Variants in STON1 observed in about 807,000 individuals in gnomAD.
STON1 encodes stonin 1.
In STON1, 79 loss-of-function variants were observed where a neutral mutation model predicts 60.9. The ratio of observed to expected loss-of-function variants is 1.30; its 90% CI spans 1.08 to 1.56. The LOEUF is 1.56. STON1 is among the 40% of genes most tolerant of loss of function. The probability of loss-of-function intolerance (pLI) is 0.00; values close to 1 mark genes in which losing one functional copy is unlikely to be tolerated. For synonymous variants in STON1, 363 were observed against 306.9 expected (o/e 1.18, Z -1.91); for missense variants, 1,166 against 858.9 (o/e 1.36, Z -4.47).
chr2:48,552,015 G>A (rs1161627037), intron 1 of STON1, among the ~76,000 whole-genome samples: 1 of 152,252 alleles, frequency 6.6e-6, no homozygotes, highest in Non-Finnish European at 1.5e-5. Flanking sequence ...TCTGCCGTGG[G>A]AACCCAGCTC....
chr2:48,532,374 A>C lies in STON1; in HGVS notation c.-48+2158A>C, dbSNP rs535431642. ...AATAAATAAATAAATAAATAAATAA[A>C]TAAATAAATAAATAATTGATAGGCA... On this transcript the variant is annotated intron_variant, in intron 1 of 3. Transcript: ENST00000404752. Among the ~76,000 whole-genome samples the C allele has an allele frequency of 2.7e-5, 4 of 150,742 alleles. No individual in the cohort carries two copies. In the East Asian group the frequency reaches 7.7e-4, roughly 29 times the overall value.
At position 48,585,500 on chromosome 2, in the gene STON1, C is replaced by T. The variant is rs965387396; in HGVS notation, c.1930+2937C>T. Among the ~76,000 whole-genome samples, 7 of 152,110 alleles carry T rather than the reference C, an allele frequency of 4.6e-5. No homozygotes were observed. In the South Asian group the frequency reaches 6.2e-4, roughly 14 times the overall value. ...CCAACCTCAGGTGATCCACCCGCCT[C>T]GGCCTCCCAAAGTGCTGGGATTAGA... On this transcript the variant is annotated intron_variant, in intron 2 of 3. Transcript: ENST00000404752.
chr2:48,555,319 G>A (rs1221482417), intron 1 of STON1, among the ~76,000 whole-genome samples: 3 of 56,026 alleles, frequency 5.4e-5, no homozygotes, highest in African/African-American at 1.9e-4. Context: ...GGGCGGGGGG[G>A]GCTGACCCCC....
chr2:48,572,119 T>C (rs1021717563), intron 1 of STON1, among the ~76,000 whole-genome samples: 22 of 152,028 alleles, frequency 1.4e-4, no homozygotes, highest in Admixed American at 5.2e-4. Context: ...GCCAAGATCA[T>C]GCCACTACAC....
At chr2:48,564,330 C>T (rs1558603569) in intron 1 of STON1, among the ~76,000 whole-genome samples, 2 of 152,040 alleles carry the variant, frequency 1.3e-5, no homozygotes, top group African/African-American at 2.4e-5. Context: ...GTGAGGGTTG[C>T]AGATGGCTGA....
At chr2:48,537,899 ATTG>A (rs1671496206) in intron 1 of STON1, among the ~76,000 whole-genome samples, 1 of 151,398 alleles carries the variant, frequency 6.6e-6, no homozygotes, top group African/African-American at 2.4e-5. Context: ...TTGTTCTTAT[ATTG>A]TTTGGTATCA....
At chr2:48,583,322 C>T (rs1435376390) in intron 2 of STON1, among the ~76,000 whole-genome samples, 1 of 152,164 alleles carries the variant, frequency 6.6e-6, no homozygotes. Context: ...TTCCTGGGCT[C>T]AAGGGATCCT....
rs2103723163 is a variant in STON1, at chr2:48,532,477, T to C, written c.-48+2261T>C. Among the ~76,000 whole-genome samples, 5 of 150,884 alleles carry C rather than the reference T, an allele frequency of 3.3e-5. No homozygotes were observed. The Middle Eastern group carries it at 0.014, about 422-fold the overall frequency. On this transcript the variant is annotated intron_variant, in intron 1 of 3. Transcript: ENST00000404752. ...ACAACAAAAGTAAGTCCATAAATTC[T>C]GAGCTTGTTTGGCCCTGTTGCTTAG... is the stretch of plus-strand genomic sequence containing the variant.
At chr2:48,549,253 A>G (rs1671991690) in intron 1 of STON1, among the ~76,000 whole-genome samples, 1 of 152,198 alleles carries the variant, frequency 6.6e-6, no homozygotes. Context: ...CTATTTTTCA[A>G]AGAAACTTTC....
rs1247481335 is a variant in STON1 at position 48,595,914 on chromosome 2, T to C, written c.*612T>C. On this transcript the variant is annotated 3_prime_UTR_variant, in exon 4 of 4. Transcript: ENST00000404752. ...TACCTGTCTCTCTCCTACTGTATTGTCATTTTCAAAATGTGTTTGTTTTCT... is the reference window on the plus strand; with the variant it reads ...TACCTGTCTCTCTCCTACTGTATTGCCATTTTCAAAATGTGTTTGTTTTCT... 6.6e-6 allele frequency: 1 copy of C among 152,260 alleles called. No homozygotes were observed. Among genetic ancestry groups the C allele is most frequent in the Non-Finnish European group, 1.5e-5 (1 of 68,080 alleles). 9.4% of individuals were successfully genotyped at this position (152,260 alleles called of 1,614,324 possible). A position where few individuals can be genotyped will look rare whatever the true frequency, so the allele number is the denominator to read the frequency against.
chr2:48,590,427 C>T (rs1180235072), intron 2 of STON1, among the ~76,000 whole-genome samples: 1 of 152,104 alleles, frequency 6.6e-6, no homozygotes, highest in East Asian at 1.9e-4. Flanking sequence ...GTGCCTAAAG[C>T]TATATTCTGA....
At chr2:48,572,425 G>A (rs942758301) in intron 1 of STON1, among the ~76,000 whole-genome samples, 3 of 152,186 alleles carry the variant, frequency 2.0e-5, no homozygotes, top group Admixed American at 6.5e-5. Flanking sequence ...TGGACAGTGA[G>A]GGGGTAGGAG....
rs772956611 is a variant in STON1, at chr2:48,581,797, C to T, written c.1164C>T (p.Asp388=). The change falls in exon 2 of 4, where the codon GAC becomes GAT. Residue 388 remains aspartate, a synonymous_variant. Coordinates refer to ENST00000404752, the MANE Select transcript of STON1 (RefSeq NM_006873.4). ...CCACATCGTACCATGACTTCCTTGA[C>T]TTTCTGACTACTGTGGAGGAGGAGC... ...LGSTSYHDFL[D]FLTTVEEELM... The T allele has an allele frequency of 2.5e-6, 4 of 1,614,078 alleles. No homozygotes were observed. Among genetic ancestry groups the T allele is most frequent in the African/African-American group, 2.7e-5 (2 of 74,932 alleles).
chr2:48,540,878 G>A (rs1671623343), intron 1 of STON1, among the ~76,000 whole-genome samples: 1 of 152,180 alleles, frequency 6.6e-6, no homozygotes, highest in African/African-American at 2.4e-5. Flanking sequence ...TTTGGAAAAA[G>A]CCCCCACACA....
rs144546228 is a variant in STON1, at chr2:48,564,611, T to C, written c.-47-15976T>C. On this transcript the variant is annotated intron_variant, in intron 1 of 3. Transcript: ENST00000404752. ...TCCTCCTCCTCCTCCTCCTTCTCCT[T>C]CTCCTTCTCCTTCTCCTTCTCTTTC... Among the ~76,000 whole-genome samples, 864 of 112,146 alleles carry C rather than the reference T, an allele frequency of 7.7e-3. 168 individuals carry two copies. The highest frequency in any genetic ancestry group is 0.024 in the African/African-American group (681 of 28,070). 73.6% of individuals were successfully genotyped at this position (112,146 alleles called of 152,430 possible).
At chr2:48,548,125 C>T (rs1460412918) in intron 1 of STON1, among the ~76,000 whole-genome samples, 1 of 152,204 alleles carries the variant, frequency 6.6e-6, no homozygotes, top group Non-Finnish European at 1.5e-5. Flanking sequence ...TGAATGGGAC[C>T]TCATGTGCCA....
chr2:48,579,359 A>C (rs1673740343), intron 1 of STON1, among the ~76,000 whole-genome samples: 2 of 151,518 alleles, frequency 1.3e-5, no homozygotes, highest in South Asian at 4.2e-4. Flanking sequence ...CCCAGGCTGG[A>C]GTGCAGTGGC....
chr2:48,588,878 A>G (rs1674357817), intron 2 of STON1, among the ~76,000 whole-genome samples: 1 of 152,020 alleles, frequency 6.6e-6, no homozygotes, highest in Non-Finnish European at 1.5e-5. Context: ...TTTTGCAACA[A>G]AGGTTTGCCT....
In STON1 at chr2:48,597,970, A is replaced by G. The variant is rs1045919; in HGVS notation, c.*2668A>G. ...GGGAAGGAAAGGAATGAGGGAGGAA[A>G]TATTCCTTTCTAGCATTCATTTTGC... On this transcript the variant is annotated 3_prime_UTR_variant, in exon 4 of 4. Coordinates refer to ENST00000404752, the MANE Select transcript of STON1 (RefSeq NM_006873.4). 25,177 of 152,038 alleles carry G rather than the reference A, an allele frequency of 0.17. 3,319 individuals carry two copies. The highest frequency in any genetic ancestry group is 0.36 in the East Asian group (1,864 of 5,154). 9.4% of individuals were successfully genotyped at this position (152,038 alleles called of 1,614,324 possible).
Sources: gnomAD v4.1 joint callset for allele counts (sites outside exome capture counted in the v4.1 genomes callset) on GRCh38, gnomAD v4.1.1 for gene constraint, MANE v1.5 for transcripts, NCBI Gene and HGNC (gene_info 2026-07-23, HGNC 2026-07-21) for gene names.